Variants in GSK3B observed in about 807,000 individuals in gnomAD.
GSK3B encodes glycogen synthase kinase-3 beta.
Under a neutral mutation model 56.4 loss-of-function variants are expected in GSK3B, and 15 were observed. That is an observed-to-expected ratio of 0.27 (90% CI 0.18 to 0.41). GSK3B has a LOEUF of 0.41. GSK3B is among the 10% of genes least tolerant of loss of function. GSK3B has a pLI of 1.00. For missense variants in GSK3B, 300 were observed against 513.4 expected (o/e 0.58, Z 4.02); for synonymous variants, 181 against 188.9 (o/e 0.96, Z 0.34).
chr3:119,863,679 G>T, intron 8 of GSK3B, 74 bp from the exon 9 acceptor site: 1 of 892,574 alleles, frequency 1.1e-6, no homozygotes, highest in Non-Finnish European at 1.8e-6. Context: ...TGTGAATAAT[G>T]ACTTAATTCC....
intron 10 of GSK3B, among the ~76,000 whole-genome samples, chr3:119,831,821 C>T (rs1433797665): frequency 1.3e-5 from 2 of 152,106 alleles, no homozygotes; most frequent in African/African-American, 4.8e-5. Context: ...TAAACCAATG[C>T]CCATTATCAC....
chr3:119,864,931 TTA>T (rs1203138292), intron 8 of GSK3B, among the ~76,000 whole-genome samples: 1 of 152,206 alleles, frequency 6.6e-6, no homozygotes, highest in Non-Finnish European at 1.5e-5. Context: ...AATTTCTTGG[TTA>T]TGTTACAAAG....
intron 1 of GSK3B, among the ~76,000 whole-genome samples, chr3:120,012,132 T>C (rs1007200590): frequency 6.6e-6 from 1 of 152,234 alleles, no homozygotes; most frequent in Non-Finnish European, 1.5e-5. Context: ...CAGAGACACT[T>C]TGGCAACATT....
In GSK3B at chr3:120,002,208, C is replaced by T; in HGVS notation, c.120G>A (p.Val40=). 1 of 1,579,128 alleles carries T rather than the reference C, an allele frequency of 6.3e-7. No homozygotes were observed. The highest frequency in any genetic ancestry group is 8.6e-7 in the Non-Finnish European group (1 of 1,166,090). The change falls in exon 2 of 11, where the codon GTG becomes GTA. Residue 40 remains valine (V), a synonymous_variant. Transcript: ENST00000264235. The part of the protein sequence containing the change: ...RDKDGSKVTT[V]VATPGQGPDR... ...CTGGACCCTGCCCAGGAGTTGCCAC[C>T]ACTGTTGTCACCTTGCTGCCGTCCT... is the stretch of plus-strand genomic sequence containing the variant.
At chr3:120,032,475 G>A (rs1162746360) in intron 1 of GSK3B, among the ~76,000 whole-genome samples, 5 of 136,134 alleles carry the variant, frequency 3.7e-5, no homozygotes, top group South Asian at 5.0e-4. Flanking sequence ...ACTCCGTCTC[G>A]GAAAAAAAAA....
intron 1 of GSK3B, among the ~76,000 whole-genome samples, chr3:120,037,338 T>C (rs1014443965): frequency 5.9e-5 from 9 of 152,190 alleles, no homozygotes; most frequent in Admixed American, 1.3e-4. Context: ...TTAAAAGTAA[T>C]AGCTTATCCA....
chr3:119,923,600 G>T (rs1042651512), intron 3 of GSK3B, 117 bp from the exon 4 acceptor site: 2 of 476,426 alleles, frequency 4.2e-6, no homozygotes, highest in East Asian at 6.4e-5. Context: ...AAAGATTAAT[G>T]TGTCACTTTT....
intron 1 of GSK3B, among the ~76,000 whole-genome samples, chr3:120,032,474 C>A (rs548252438): frequency 2.2e-5 from 3 of 135,026 alleles, no homozygotes; most frequent in Non-Finnish European, 3.1e-5. Context: ...GACTCCGTCT[C>A]GGAAAAAAAA....
intron 2 of GSK3B, among the ~76,000 whole-genome samples, chr3:119,971,471 C>T (rs2057365364): frequency 6.6e-6 from 1 of 151,982 alleles, no homozygotes; most frequent in Admixed American, 6.6e-5. Flanking sequence ...TTAGTAAAAG[C>T]CCCACAGCTT....
chr3:120,088,641 C>T (rs1011397165), intron 1 of GSK3B, among the ~76,000 whole-genome samples: 2 of 152,216 alleles, frequency 1.3e-5, no homozygotes, highest in Non-Finnish European at 2.9e-5. Context: ...ACCCCACACA[C>T]ACACACAAAA....
chr3:120,046,088 G>T (rs560071300), intron 1 of GSK3B, among the ~76,000 whole-genome samples: 3 of 151,850 alleles, frequency 2.0e-5, no homozygotes, highest in South Asian at 4.2e-4. Flanking sequence ...AGGTGGATGG[G>T]AGGAGGGGAT....
intron 5 of GSK3B, among the ~76,000 whole-genome samples, chr3:119,914,271 A>C (rs569368698): frequency 3.9e-5 from 6 of 152,234 alleles, no homozygotes; most frequent in African/African-American, 1.4e-4. Flanking sequence ...TGTACAGTCC[A>C]AAGTGTTTCC....
intron 1 of GSK3B, among the ~76,000 whole-genome samples, chr3:120,060,122 A>G (rs1020925134): frequency 2.0e-5 from 3 of 152,352 alleles, no homozygotes; most frequent in Admixed American, 6.5e-5. Context: ...AATGGTGCTT[A>G]TATCTTAAAA....
intron 1 of GSK3B, among the ~76,000 whole-genome samples, chr3:120,069,247 C>CTTAG (rs1309699195): frequency 1.3e-5 from 2 of 151,980 alleles, no homozygotes; most frequent in African/African-American, 4.8e-5. Context: ...TCTTAGAGGT[C>CTTAG]CCAATGATCT....
chr3:119,870,517 T>C (rs1390449640), intron 8 of GSK3B, among the ~76,000 whole-genome samples: 1 of 152,192 alleles, frequency 6.6e-6, no homozygotes, highest in Non-Finnish European at 1.5e-5. Context: ...CTTAGTATTC[T>C]TCCTTTTTCA....
Position 120,086,333 on chromosome 3 carries a change from T to C in GSK3B, c.88+7014A>G, listed in dbSNP as rs115776937. Among the ~76,000 whole-genome samples, 647 of 152,256 alleles carry C rather than the reference T, an allele frequency of 4.2e-3. 1 individual carries two copies. Among genetic ancestry groups the C allele is most frequent in the African/African-American group, 0.015 (611 of 41,538 alleles). On this transcript the variant is annotated intron_variant, in intron 1 of 10. Coordinates refer to ENST00000264235, the MANE Select transcript of GSK3B (RefSeq NM_001146156.2). ...TGGGCTAGCACACTAAAGACTTTAG[T>C]ACCTTTATCCATACTGCTGAAATCC...
Position 119,971,705 on chromosome 3 carries a change from G to A in GSK3B, c.283-24354C>T, listed in dbSNP as rs1017991803. Among the ~76,000 whole-genome samples, 25 of 129,022 alleles carry A rather than the reference G, an allele frequency of 1.9e-4. No individual in the cohort carries two copies. The East Asian group carries it at 5.0e-3, about 26-fold the overall frequency. 84.6% of individuals were successfully genotyped at this position (129,022 alleles called of 152,430 possible). A position where few individuals can be genotyped will look rare whatever the true frequency, so the allele number is the denominator to read the frequency against. On this transcript the variant is annotated intron_variant, in intron 2 of 10. Transcript: ENST00000264235. ...CGGCTCACTGCAAGCTCCGCCTCCCGGGTTCACGCCATTCTCCTGCCTCAG... is the reference window on the plus strand; with the variant it reads ...CGGCTCACTGCAAGCTCCGCCTCCCAGGTTCACGCCATTCTCCTGCCTCAG...
chr3:120,087,907 T>C (rs2058478701), intron 1 of GSK3B, among the ~76,000 whole-genome samples: 1 of 152,160 alleles, frequency 6.6e-6, no homozygotes, highest in Non-Finnish European at 1.5e-5. Flanking sequence ...TTTGTTTTTT[T>C]TTTGAGACAG....
intron 2 of GSK3B, among the ~76,000 whole-genome samples, chr3:119,983,547 G>A (rs1412037308): frequency 2.0e-5 from 3 of 151,490 alleles, no homozygotes; most frequent in African/African-American, 7.3e-5. Flanking sequence ...AAAAAAAGCA[G>A]GGGTTGCAAT....
Sources: gnomAD v4.1 joint callset for allele counts (sites outside exome capture counted in the v4.1 genomes callset) on GRCh38, gnomAD v4.1.1 for gene constraint, MANE v1.5 for transcripts, NCBI Gene and HGNC (gene_info 2026-07-23, HGNC 2026-07-21) for gene names.